The following STPG2 variants were observed in gnomAD, a reference collection of about 807,000 sequenced individuals.
STPG2 encodes the protein sperm-tail PG-rich repeat-containing protein 2.
In STPG2, 56 loss-of-function variants were observed where a neutral mutation model predicts 54.2. The ratio of observed to expected loss-of-function variants is 1.03; its 90% CI spans 0.83 to 1.29. The LOEUF (loss-of-function observed/expected upper bound fraction) is 1.29, where lower values mean the gene tolerates loss of function less well. Among genes scored for constraint, STPG2 ranks in the 50% most tolerant of loss-of-function variants. STPG2 has a pLI of 0.00. For missense variants in STPG2, 596 were observed against 544.9 expected, an observed-to-expected ratio of 1.09 and a Z score of -0.93; for synonymous variants, 200 against 181.8, an observed-to-expected ratio of 1.10 and a Z score of -0.81.
chr4:97,495,705 C>T, intron 4 of STPG2, among the ~76,000 whole-genome samples: 1 of 35,538 alleles, frequency 2.8e-5, no homozygotes, highest in Non-Finnish European at 5.3e-5. Flanking sequence ...AAGGGATGGT[C>T]AAGACAAAAA....
chr4:97,665,607 C>A (rs3907814), intron 10 of STPG2, among the ~76,000 whole-genome samples: 89,357 of 151,870 alleles, frequency 0.59, 26,618 homozygotes, highest in South Asian at 0.68. Flanking sequence ...TTCCTACTCC[C>A]GTCCACAGGG....
intron 3 of STPG2, among the ~76,000 whole-genome samples, chr4:98,126,661 A>C (rs999822804): frequency 2.6e-5 from 4 of 152,272 alleles, no homozygotes; most frequent in African/African-American, 4.8e-5. Flanking sequence ...TCTCAGTGAG[A>C]GCCACAGACC....
At chr4:97,995,989 A>G (rs1735195605) in intron 5 of STPG2, among the ~76,000 whole-genome samples, 1 of 152,236 alleles carries the variant, frequency 6.6e-6, no homozygotes, top group Non-Finnish European at 1.5e-5. Context: ...AAGAATCAAT[A>G]TTGTTAAAAT....
At chr4:97,814,551 T>C (rs2149099494) in intron 9 of STPG2, among the ~76,000 whole-genome samples, 1 of 152,220 alleles carries the variant, frequency 6.6e-6, no homozygotes, top group Non-Finnish European at 1.5e-5. Context: ...GTCAGTGTGA[T>C]GGTTAATACT....
At chr4:97,836,204 GTCAA>G (rs1417365503) in intron 9 of STPG2, among the ~76,000 whole-genome samples, 3 of 151,872 alleles carry the variant, frequency 2.0e-5, no homozygotes, top group African/African-American at 7.2e-5. Flanking sequence ...GAAAGGAAGG[GTCAA>G]TCAATGTGGT....
At chr4:97,848,623 A>C (rs1307112489) in intron 8 of STPG2, among the ~76,000 whole-genome samples, 1 of 152,202 alleles carries the variant, frequency 6.6e-6, no homozygotes, top group Non-Finnish European at 1.5e-5. Flanking sequence ...TTATTTCAAA[A>C]ATAAAGAAGA....
chr4:97,662,299 A>T (rs1435033407), intron 10 of STPG2, among the ~76,000 whole-genome samples: 1 of 152,190 alleles, frequency 6.6e-6, no homozygotes, highest in Admixed American at 6.5e-5. Context: ...ACTAACCATC[A>T]GATAAATGCA....
chr4:97,908,032 C>T (rs1731515798), intron 8 of STPG2, among the ~76,000 whole-genome samples: 1 of 152,096 alleles, frequency 6.6e-6, no homozygotes, highest in Non-Finnish European at 1.5e-5. Context: ...TCTTATTAAA[C>T]TAAAGAGCTT....
At chr4:97,548,899 A>G (rs186419392) in intron 4 of STPG2, among the ~76,000 whole-genome samples, 3 of 152,338 alleles carry the variant, frequency 2.0e-5, no homozygotes, top group African/African-American at 7.2e-5. Context: ...ATATCCATGT[A>G]TTAAAATTGC....
At chr4:98,108,776 T>C (rs1220873351) in intron 4 of STPG2, among the ~76,000 whole-genome samples, 1 of 152,114 alleles carries the variant, frequency 6.6e-6, no homozygotes, top group East Asian at 1.9e-4. Flanking sequence ...ATAAAATAGA[T>C]GTAACAATAT....
intron 5 of STPG2, among the ~76,000 whole-genome samples, chr4:98,056,021 C>T (rs924171853): frequency 3.3e-5 from 5 of 152,176 alleles, no homozygotes; most frequent in Non-Finnish European, 5.9e-5. Context: ...CCCATGGCAA[C>T]TCCCCACGTC....
chr4:98,114,995 A>G (rs377649437), intron 3 of STPG2, among the ~76,000 whole-genome samples: 2 of 152,060 alleles, frequency 1.3e-5, no homozygotes, highest in African/African-American at 4.8e-5. Flanking sequence ...TACCAACTTC[A>G]AGGTCACTGT....
At chr4:97,677,431 A>G (rs565412786) in intron 10 of STPG2, among the ~76,000 whole-genome samples, 123 of 152,304 alleles carry the variant, frequency 8.1e-4, no homozygotes, top group African/African-American at 2.8e-3. Context: ...CAGATTTAAT[A>G]GATGTCTGCA....
At chr4:97,709,173 A>G (rs1433147488) in intron 10 of STPG2, among the ~76,000 whole-genome samples, 1 of 151,808 alleles carries the variant, frequency 6.6e-6, no homozygotes, top group Non-Finnish European at 1.5e-5. Context: ...GTACTATCAC[A>G]TATGCATCAA....
intron 8 of STPG2, among the ~76,000 whole-genome samples, chr4:97,909,557 A>G (rs980491338): frequency 1.3e-4 from 20 of 152,312 alleles, no homozygotes; most frequent in African/African-American, 4.8e-4. Context: ...CAAAAGTCCT[A>G]AATAAAATAT....
At chr4:98,036,977 G>T (rs949666850) in intron 5 of STPG2, among the ~76,000 whole-genome samples, 4 of 151,952 alleles carry the variant, frequency 2.6e-5, no homozygotes, top group African/African-American at 9.7e-5. Flanking sequence ...ACTAGAATTA[G>T]CAAAATTAAC....
intron 10 of STPG2, among the ~76,000 whole-genome samples, chr4:97,630,846 T>C (rs1721251634): frequency 6.6e-6 from 1 of 151,822 alleles, no homozygotes; most frequent in Non-Finnish European, 1.5e-5. Flanking sequence ...TAATAACTGA[T>C]TCAGAAATGC....
chr4:98,125,846 G>A (rs1739815041), intron 3 of STPG2, among the ~76,000 whole-genome samples: 6 of 152,206 alleles, frequency 3.9e-5, no homozygotes. Context: ...TCAGAGTCCT[G>A]TCCATAAACC....
intron 9 of STPG2, among the ~76,000 whole-genome samples, chr4:97,781,037 C>T (rs7699091): frequency 1.9e-3 from 295 of 151,886 alleles, no homozygotes; most frequent in African/African-American, 7.0e-3. Flanking sequence ...GAAGCAAGAG[C>T]AAACACATTC....
Sources: gnomAD v4.1 joint callset for allele counts (sites outside exome capture counted in the v4.1 genomes callset) on GRCh38, gnomAD v4.1.1 for gene constraint, MANE v1.5 for transcripts, NCBI Gene and HGNC (gene_info 2026-07-23, HGNC 2026-07-21) for gene names.